CDKN3: variants seen among roughly 807,000 people sequenced by gnomAD.
CDKN3 encodes the protein cyclin dependent kinase inhibitor 3, also known as cyclin-dependent kinase inhibitor 3.
In CDKN3, 19 loss-of-function variants were observed where a neutral mutation model predicts 36.1. That is an observed-to-expected ratio of 0.53 (90% CI 0.37 to 0.77). The LOEUF (loss-of-function observed/expected upper bound fraction) is 0.77. Among genes scored for constraint, CDKN3 ranks in the 30% least tolerant of loss-of-function variants. The probability of loss-of-function intolerance (pLI) is 0.00; values close to 1 mark genes in which losing one functional copy is unlikely to be tolerated. For missense variants in CDKN3, 188 were observed against 248.6 expected (o/e 0.76, Z 1.64); for synonymous variants, 71 against 85.3 (o/e 0.83, Z 0.92).
At chr14:54,412,673 G>A (rs1202684739) in intron 5 of CDKN3, among the ~76,000 whole-genome samples, 1 of 152,130 alleles carries the variant, frequency 6.6e-6, no homozygotes, top group Non-Finnish European at 1.5e-5. Flanking sequence ...GTAGATAGTA[G>A]CATGGCAAAG....
intron 3 of CDKN3, among the ~76,000 whole-genome samples, chr14:54,406,421 T>C (rs562677305): frequency 1.5e-3 from 228 of 152,310 alleles, no homozygotes; most frequent in African/African-American, 5.1e-3. Context: ...CTGGATAATA[T>C]CCTGAAGTGT....
Position 54,401,077 on chromosome 14 carries a change from G to A in CDKN3, c.93-447G>A, listed in dbSNP as rs4251612. Among the ~76,000 whole-genome samples, 1,140 of 152,172 alleles carry A rather than the reference G, an allele frequency of 7.5e-3. 13 individuals carry two copies. The highest frequency in any genetic ancestry group is 0.026 in the African/African-American group (1,079 of 41,508). ...TACCACAGGATAACATAAGTACACC[G>A]TATACTACCGGTTGGCAATCTAGGC... On this transcript the variant is annotated intron_variant, in intron 2 of 7. Coordinates refer to ENST00000335183, the MANE Select transcript of CDKN3 (RefSeq NM_005192.4).
chr14:54,401,421 C>T (rs913386569), intron 2 of CDKN3, 103 bp from the exon 3 acceptor site: 2 of 678,728 alleles, frequency 2.9e-6, no homozygotes, highest in Non-Finnish European at 2.6e-6. Context: ...AAAACTTTAA[C>T]ACAACTTTAT....
chr14:54,412,300 G>T lies in CDKN3; in HGVS notation c.416+594G>T, dbSNP rs2030385716. ...CTCAGGAGGATGAGGTGGGGGAACT[G>T]CTTGAGCCTGGGAGACAGAGGTTGC... On this transcript the variant is annotated intron_variant, in intron 5 of 7. Transcript: ENST00000335183. Among the ~76,000 whole-genome samples, 3 of 152,058 alleles carry T rather than the reference G, an allele frequency of 2.0e-5. No homozygotes were observed. In the South Asian group the frequency reaches 6.2e-4, roughly 32 times the overall value.
At chr14:54,405,000 C>T (rs1270738559) in intron 3 of CDKN3, among the ~76,000 whole-genome samples, 2 of 152,190 alleles carry the variant, frequency 1.3e-5, no homozygotes, top group Non-Finnish European at 2.9e-5. Flanking sequence ...CTCATGTGGG[C>T]ATTTAGTGCT....
At chr14:54,418,441 G>T in intron 7 of CDKN3, 1 of 592,220 alleles carries the variant, frequency 1.7e-6, no homozygotes, top group Non-Finnish European at 3.0e-6. Context: ...CTTTGCAGTA[G>T]ATAACTGGGG....
intron 1 of CDKN3, among the ~76,000 whole-genome samples, chr14:54,397,890 GGAGGCCAAGGCGGGCGGATCACTT>G (rs1244190442): frequency 6.6e-6 from 1 of 152,220 alleles, no homozygotes; most frequent in Non-Finnish European, 1.5e-5. Flanking sequence ...CAACACTTTG[GGAGGCCAAGGCGGGCGGATCACTT>G]GAGGCCAGGA....
At chr14:54,400,176 A>G (rs2029890596) in intron 2 of CDKN3, among the ~76,000 whole-genome samples, 200 bp downstream of exon 2, 1 of 143,288 alleles carries the variant, frequency 7.0e-6, no homozygotes, top group African/African-American at 2.6e-5. Context: ...ATACAGAATA[A>G]GACCCTTTTT....
At position 54,411,780 on chromosome 14, in the gene CDKN3, T is replaced by C. The variant is rs2030365363; in HGVS notation, c.416+74T>C. ...GATTTCTGGAATTATGGTAGCCCTA[T>C]TCAGTTATCACCTACTTCATAGTTT... On this transcript the variant is annotated intron_variant, in intron 5 of 7. Coordinates refer to ENST00000335183, the MANE Select transcript of CDKN3 (RefSeq NM_005192.4). 8.5e-6 allele frequency: 8 copies of C among 938,518 alleles called. 1 individual carries two copies. In the East Asian group the frequency reaches 2.0e-4, roughly 24 times the overall value. The allele number at this position is 938,518 out of a possible 1,614,324, so 58.1% of individuals were successfully genotyped here. A position where few individuals can be genotyped will look rare whatever the true frequency, so the allele number is the denominator to read the frequency against.
chr14:54,402,141 G>A (rs2029969210), intron 3 of CDKN3, among the ~76,000 whole-genome samples: 1 of 151,568 alleles, frequency 6.6e-6, no homozygotes, highest in African/African-American at 2.4e-5. Context: ...AGGAGGCAGG[G>A]GTTGCAGTGA....
At chr14:54,419,687 A>G (rs556235347) in intron 7 of CDKN3, among the ~76,000 whole-genome samples, 5 of 152,210 alleles carry the variant, frequency 3.3e-5, no homozygotes, top group Admixed American at 6.5e-5. Context: ...TAATGCCATT[A>G]TGTACTGTTT....
At position 54,420,141 on chromosome 14, in the gene CDKN3, T is replaced by C; in HGVS notation, c.*63T>C. The stretch of plus-strand genomic sequence containing the variant: ...TGTCAGTTCTCTAGCATAATTTGTA[T>C]TGAAATGAAACCACCAGTGTTATCA... On this transcript the variant is annotated 3_prime_UTR_variant, in exon 8 of 8. Transcript: ENST00000335183. 1 of 956,456 alleles carries C rather than the reference T, an allele frequency of 1.0e-6. No individual in the cohort carries two copies. Among genetic ancestry groups the C allele is most frequent in the Non-Finnish European group, 1.6e-6 (1 of 607,988 alleles). 59.2% of individuals were successfully genotyped at this position (956,456 alleles called of 1,614,324 possible).
At position 54,400,366 on chromosome 14, in the gene CDKN3, A is replaced by G. The variant is rs1008258996; in HGVS notation, c.92+390A>G. ...CTACTTATTCTTTTATGACAAAAGAATAATATACCAAATATGAGATGAGAT... is the reference window on the plus strand; with the variant it reads ...CTACTTATTCTTTTATGACAAAAGAGTAATATACCAAATATGAGATGAGAT... On this transcript the variant is annotated intron_variant, in intron 2 of 7. Coordinates refer to ENST00000335183, the MANE Select transcript of CDKN3 (RefSeq NM_005192.4). 2.0e-5 allele frequency among the ~76,000 whole-genome samples: 3 copies of G among 152,112 alleles called. No individual in the cohort carries two copies. The East Asian group carries it at 5.8e-4, about 29-fold the overall frequency.
Position 54,402,947 on chromosome 14 carries a change from C to G in CDKN3, c.148+1368C>G, listed in dbSNP as rs528085753. ...CATGTGTACCATGCTGTTTTTGTTA[C>G]TATAGCCTTGTAGTATAGTTTGAAG... On this transcript the variant is annotated intron_variant, in intron 3 of 7. Transcript: ENST00000335183. Among the ~76,000 whole-genome samples, 192 of 152,316 alleles carry G rather than the reference C, an allele frequency of 1.3e-3. 2 individuals are homozygous for G. Among genetic ancestry groups the G allele is most frequent in the South Asian group, 5.6e-3 (27 of 4,830 alleles).
chr14:54,412,904 T>C lies in CDKN3; in HGVS notation c.416+1198T>C, dbSNP rs779604559. 4 of 513,460 alleles carry C rather than the reference T, an allele frequency of 7.8e-6. No individual in the cohort carries two copies. In the East Asian group the frequency reaches 1.6e-4, roughly 21 times the overall value. 31.8% of individuals were successfully genotyped at this position (513,460 alleles called of 1,614,324 possible). On this transcript the variant is annotated intron_variant, in intron 5 of 7. Coordinates refer to ENST00000335183, the MANE Select transcript of CDKN3 (RefSeq NM_005192.4). ...GTTCCTTAAGGACATTGCTTTGAGC[T>C]AGAAGTATAGAAATTATATCAAATA...
intron 4 of CDKN3, chr14:54,411,262 A>C (rs2030343577): frequency 2.0e-6 from 1 of 494,604 alleles, no homozygotes; most frequent in Admixed American, 3.8e-5. Context: ...ACAGCAATTG[A>C]CTTATTTTGA....
At chr14:54,413,916 G>T (rs2030443717) in intron 5 of CDKN3, 4 of 1,002,022 alleles carry the variant, frequency 4.0e-6, no homozygotes, top group Non-Finnish European at 5.3e-6. Flanking sequence ...TCTAGAGGAT[G>T]TAAGTCCAAA....
intron 2 of CDKN3, 68 bp from the exon 3 acceptor site, chr14:54,401,456 T>C: frequency 9.3e-7 from 1 of 1,080,672 alleles, no homozygotes; most frequent in Non-Finnish European, 1.4e-6. Flanking sequence ...CCATATTGAT[T>C]AAACTGAATT....
At chr14:54,400,024 T>A in intron 2 of CDKN3, 48 bp downstream of exon 2, 1 of 874,018 alleles carries the variant, frequency 1.1e-6, no homozygotes, top group South Asian at 1.3e-5. Flanking sequence ...ACAATCTACA[T>A]CATAAATGTA....
Sources: gnomAD v4.1 joint callset for allele counts (sites outside exome capture counted in the v4.1 genomes callset) on GRCh38, gnomAD v4.1.1 for gene constraint, MANE v1.5 for transcripts, NCBI Gene and HGNC (gene_info 2026-07-23, HGNC 2026-07-21) for gene names.